Variants in TMCO6 observed in about 807,000 individuals in gnomAD.
TMCO6 encodes transmembrane and coiled-coil domain-containing protein 6.
Under a neutral mutation model 61.8 loss-of-function variants are expected in TMCO6, and 47 were observed. The ratio of observed to expected loss-of-function variants is 0.76; its 90% CI spans 0.60 to 0.97. The LOEUF (loss-of-function observed/expected upper bound fraction) is 0.97, where lower values mean the gene tolerates loss of function less well. Ranked by LOEUF, TMCO6 falls within the 50% of genes least tolerant of loss-of-function variation. The pLI is 0.00. For missense variants in TMCO6, 557 were observed against 601.6 expected, an observed-to-expected ratio of 0.93 and a Z score of 0.78; for synonymous variants, 261 against 254.2, an observed-to-expected ratio of 1.03 and a Z score of -0.25.
chr5:140,635,211 G>GGCCATGCCCTGGT (rs1756740811), upstream of TMCO6, among the ~76,000 whole-genome samples: 1 of 152,334 alleles, frequency 6.6e-6, no homozygotes, highest in East Asian at 1.9e-4. Context: ...CAATGCACTG[G>GGCCATGCCCTGGT]GCCATGCCCT....
the TMCO6 span, among the ~76,000 whole-genome samples, chr5:140,610,338 G>A: frequency 2.6e-3 from 395 of 152,064 alleles, 1 homozygote; most frequent in African/African-American, 9.0e-3. Context: ...GCCTGGCGAC[G>A]GCACAAGACT....
downstream of TMCO6, chr5:140,647,226 A>G (rs750708950): frequency 2.6e-6 from 4 of 1,522,246 alleles, no homozygotes; most frequent in Non-Finnish European, 3.5e-6. Flanking sequence ...CCCCTACCGG[A>G]GCCCCAGACC....
chr5:140,611,069 C>T, the TMCO6 span, among the ~76,000 whole-genome samples: 1 of 152,134 alleles, frequency 6.6e-6, no homozygotes, highest in African/African-American at 2.4e-5. Context: ...ACATGAAAGG[C>T]AGCTCAACAA....
the TMCO6 span, among the ~76,000 whole-genome samples, chr5:140,607,678 G>A: frequency 6.6e-6 from 1 of 151,630 alleles, no homozygotes; most frequent in African/African-American, 2.4e-5. Context: ...ATTTATGAGG[G>A]TTCCTTCTTC....
intron 2 of TMCO6, 55 bp downstream of exon 2, chr5:140,639,906 C>T: frequency 6.8e-7 from 1 of 1,471,076 alleles, no homozygotes; most frequent in Non-Finnish European, 9.3e-7. Context: ...GCCAGACTCC[C>T]GGGAGTACTC....
At chr5:140,606,972 CAA>C in the TMCO6 span, among the ~76,000 whole-genome samples, 1 of 125,482 alleles carries the variant, frequency 8.0e-6, no homozygotes, top group East Asian at 2.2e-4. Context: ...TAGTTTTTAA[CAA>C]AATAGTTTAA....
the TMCO6 span, among the ~76,000 whole-genome samples, chr5:140,596,734 G>A: frequency 6.6e-6 from 1 of 152,168 alleles, no homozygotes; most frequent in Non-Finnish European, 1.5e-5. Context: ...TACCCCTGGG[G>A]TATAAAGCCC....
the TMCO6 span, among the ~76,000 whole-genome samples, chr5:140,611,417 G>A: frequency 1.3e-5 from 2 of 152,198 alleles, no homozygotes; most frequent in Non-Finnish European, 2.9e-5. Flanking sequence ...GTGAAGTTTG[G>A]TGGTTACCCA....
chr5:140,641,639 T>A, intron 2 of TMCO6, 26 bp from the exon 3 acceptor site: 9 of 1,605,684 alleles, frequency 5.6e-6, no homozygotes, highest in Non-Finnish European at 7.7e-6. Flanking sequence ...AACCGTGTGT[T>A]CTCCTTTCCC....
upstream of TMCO6, among the ~76,000 whole-genome samples, chr5:140,635,241 G>C (rs1463368640): frequency 6.6e-6 from 1 of 152,230 alleles, no homozygotes; most frequent in Non-Finnish European, 1.5e-5. Flanking sequence ...CCAGGCCTCT[G>C]TGATATCCCT....
At chr5:140,645,490 CT>C (rs1757342287), downstream of TMCO6, 1 of 1,486,652 alleles carries the variant, frequency 6.7e-7, no homozygotes. Context: ...ACAGCACAAG[CT>C]TTATGAGGAA....
chr5:140,628,518 A>AACCTCT, the TMCO6 span, among the ~76,000 whole-genome samples: 3 of 151,582 alleles, frequency 2.0e-5, no homozygotes, highest in Non-Finnish European at 1.5e-5. Flanking sequence ...AGCTCACTGC[A>AACCTCT]ACCTCTACCT....
the TMCO6 span, among the ~76,000 whole-genome samples, chr5:140,605,137 AT>A: frequency 6.6e-6 from 1 of 152,006 alleles, no homozygotes; most frequent in African/African-American, 2.4e-5. Flanking sequence ...TCCTTTCTGG[AT>A]TTTAAATTGC....
intron 2 of TMCO6, among the ~76,000 whole-genome samples, chr5:140,640,280 T>C (rs543250407): frequency 6.6e-6 from 1 of 152,294 alleles, no homozygotes; most frequent in South Asian, 2.1e-4. Context: ...AGTTTTCTCA[T>C]CCTACCCACC....
the TMCO6 span, among the ~76,000 whole-genome samples, chr5:140,602,757 CTG>C: frequency 6.6e-6 from 1 of 151,250 alleles, no homozygotes; most frequent in Admixed American, 6.6e-5. Flanking sequence ...GAGCAAAACT[CTG>C]TCTCTCTCAC....
At chr5:140,645,572 T>G (rs557903867), downstream of TMCO6, 6 of 1,614,062 alleles carry the variant, frequency 3.7e-6, no homozygotes, top group African/African-American at 8.0e-5. Flanking sequence ...TTGCTCTTAA[T>G]CCTCAGTGGA....
At chr5:140,631,735 T>C in the TMCO6 span, 2 of 922,324 alleles carry the variant, frequency 2.2e-6, no homozygotes, top group Non-Finnish European at 1.7e-6. Flanking sequence ...ACGGACCCGT[T>C]GTTTAAGATT....
the TMCO6 span, chr5:140,632,306 A>C: frequency 2.5e-6 from 4 of 1,613,924 alleles, no homozygotes; most frequent in Non-Finnish European, 3.4e-6. This position sits in a 1 kb window ranked among gnomAD's most constrained non-coding sequence, Gnocchi z 6.2. Flanking sequence ...GCAGCGCTAG[A>C]TTCTGGATGG....
the TMCO6 span, among the ~76,000 whole-genome samples, chr5:140,628,567 T>C: frequency 1.3e-5 from 2 of 152,072 alleles, no homozygotes; most frequent in Non-Finnish European, 2.9e-5. Flanking sequence ...GCCTCCCAAA[T>C]AGCTGGGATT....
Sources: gnomAD v4.1 joint callset for allele counts (sites outside exome capture counted in the v4.1 genomes callset) on GRCh38, gnomAD v4.1.1 for gene constraint, Gnocchi (gnomAD v3.1) non-coding constraint, MANE v1.5 for transcripts, NCBI Gene and HGNC (gene_info 2026-07-23, HGNC 2026-07-21) for gene names.